The following EYS variants were observed in gnomAD, a reference collection of about 807,000 sequenced individuals.
EYS encodes protein eyes shut homolog.
Under a neutral mutation model 282.1 loss-of-function variants are expected in EYS, and 250 were observed. That is an observed-to-expected ratio of 0.89 (90% confidence interval 0.80 to 0.98). The LOEUF is 0.98. Ranked by LOEUF, EYS falls within the 50% of genes least tolerant of loss-of-function variation. The pLI is 0.00. For missense variants in EYS, 4,016 were observed against 3,709.0 expected (o/e 1.08, Z -2.15); for synonymous variants, 1,355 against 1,282.9 (o/e 1.06, Z -1.20).
intron 13 of EYS, among the ~76,000 whole-genome samples, chr6:65,053,210 G>A (rs1025903248): frequency 1.7e-4 from 26 of 151,736 alleles, no homozygotes; most frequent in African/African-American, 4.8e-4. Flanking sequence ...GTAATAAAAC[G>A]TAACTTCTAT....
chr6:64,779,574 A>G (rs1410300069), intron 22 of EYS, among the ~76,000 whole-genome samples: 1 of 152,072 alleles, frequency 6.6e-6, no homozygotes, highest in Non-Finnish European at 1.5e-5. Flanking sequence ...ACATGCCATT[A>G]TACATTAGTT....
Position 65,437,299 on chromosome 6 carries a change from T to C in EYS, c.863-31932A>G, listed in dbSNP as rs139827150. Among the ~76,000 whole-genome samples the C allele has an allele frequency of 4.9e-3, 738 of 149,768 alleles. 4 individuals carry two copies. The highest frequency in any genetic ancestry group is 0.01 in the Middle Eastern group (3 of 292). On this transcript the variant is annotated intron_variant, in intron 5 of 42. Coordinates refer to ENST00000503581, the MANE Select transcript of EYS (RefSeq NM_001142800.2). ...ACAGGATTAAAGAGAGAAAAACATA[T>C]ATTAGTGTTTTTTAATGGTAACATG...
At chr6:64,509,657 A>AT (rs1332305985) in intron 26 of EYS, among the ~76,000 whole-genome samples, 2 of 152,044 alleles carry the variant, frequency 1.3e-5, no homozygotes, top group Non-Finnish European at 2.9e-5. Context: ...GTGAAAGAGT[A>AT]TTTTTCTATT....
chr6:63,913,846 G>GT (rs945586607), intron 35 of EYS, among the ~76,000 whole-genome samples: 17 of 151,964 alleles, frequency 1.1e-4, no homozygotes, highest in African/African-American at 3.6e-4. Flanking sequence ...CAGATAATGT[G>GT]TTTTTTTTGA....
At chr6:64,453,515 C>G (rs1254800893) in intron 26 of EYS, among the ~76,000 whole-genome samples, 1 of 152,084 alleles carries the variant, frequency 6.6e-6, no homozygotes, top group Admixed American at 6.6e-5. Flanking sequence ...GGGTATCTAC[C>G]CAAAGGATTA....
intron 10 of EYS, among the ~76,000 whole-genome samples, chr6:65,338,482 A>G (rs1171210920): frequency 4.6e-5 from 7 of 151,176 alleles, no homozygotes; most frequent in African/African-American, 1.7e-4. Flanking sequence ...TCAAAACATT[A>G]CATCAAACAT....
At chr6:64,009,646 C>T (rs935035195) in intron 33 of EYS, among the ~76,000 whole-genome samples, 3 of 152,030 alleles carry the variant, frequency 2.0e-5, no homozygotes, top group African/African-American at 7.2e-5. Flanking sequence ...TTATTGTACT[C>T]CTTAGATTCT....
chr6:64,417,671 C>CTTT (rs11414644), intron 28 of EYS, among the ~76,000 whole-genome samples: 71 of 123,974 alleles, frequency 5.7e-4, no homozygotes, highest in Non-Finnish European at 7.6e-4. Context: ...TAAGGGTTGG[C>CTTT]TTTTTTTTTT....
intron 41 of EYS, among the ~76,000 whole-genome samples, chr6:63,753,142 A>ATATATATATATATATATATATATATG (rs1562009753): frequency 4.5e-3 from 37 of 8,144 alleles, no homozygotes; most frequent in African/African-American, 0.012. Flanking sequence ...GTGTGTGTGT[A>ATATATATATATATATATATATATATG]TATATATATA....
intron 5 of EYS, among the ~76,000 whole-genome samples, chr6:65,418,074 T>A (rs1767310575): frequency 6.6e-6 from 1 of 151,938 alleles, no homozygotes; most frequent in Non-Finnish European, 1.5e-5. Context: ...CAAAACAGAC[T>A]GTGAGGTATA....
chr6:64,578,483 C>A (rs934774785), intron 26 of EYS, among the ~76,000 whole-genome samples: 1 of 152,034 alleles, frequency 6.6e-6, no homozygotes, highest in Non-Finnish European at 1.5e-5. Context: ...AGAGATCAAT[C>A]CTGATGGTAG....
At chr6:64,023,621 G>A (rs1769307029) in intron 33 of EYS, among the ~76,000 whole-genome samples, 1 of 152,234 alleles carries the variant, frequency 6.6e-6, no homozygotes, top group South Asian at 2.1e-4. Flanking sequence ...AGAGGCAACA[G>A]TGTGCGCCCT....
At chr6:65,308,012 A>T (rs1056274430) in intron 11 of EYS, among the ~76,000 whole-genome samples, 14 of 148,228 alleles carry the variant, frequency 9.4e-5, no homozygotes, top group African/African-American at 3.5e-4. Context: ...TCTCACTGTC[A>T]TCCAGGCTGG....
At chr6:63,997,222 A>G (rs1201738770) in intron 34 of EYS, among the ~76,000 whole-genome samples, 3 of 152,180 alleles carry the variant, frequency 2.0e-5, no homozygotes, top group Admixed American at 2.0e-4. Context: ...GCAGTAGAAA[A>G]CATGCAGTAG....
intron 1 of EYS, among the ~76,000 whole-genome samples, chr6:65,696,454 T>C (rs1769460476): frequency 6.6e-6 from 1 of 152,156 alleles, no homozygotes; most frequent in Admixed American, 6.5e-5. Flanking sequence ...GAGTAAACTA[T>C]TTGTACATTT....
intron 23 of EYS, among the ~76,000 whole-genome samples, chr6:64,620,116 G>C (rs1310710554): frequency 6.6e-6 from 1 of 152,148 alleles, no homozygotes; most frequent in African/African-American, 2.4e-5. Context: ...AATGGAATTA[G>C]ATGCTTACAA....
chr6:64,869,419 C>T (rs1224642087), intron 19 of EYS, among the ~76,000 whole-genome samples: 3 of 151,066 alleles, frequency 2.0e-5, no homozygotes, highest in African/African-American at 7.3e-5. Flanking sequence ...GAAGAACTAA[C>T]AATCAAAATA....
intron 12 of EYS, among the ~76,000 whole-genome samples, chr6:65,182,521 A>C (rs1357487983): frequency 1.3e-5 from 2 of 151,756 alleles, no homozygotes; most frequent in Non-Finnish European, 2.9e-5. Flanking sequence ...CACTGCATTT[A>C]GTGCATTTTC....
chr6:65,500,241 G>A (rs549462516), intron 2 of EYS, among the ~76,000 whole-genome samples: 1 of 151,932 alleles, frequency 6.6e-6, no homozygotes, highest in African/African-American at 2.4e-5. Flanking sequence ...TTGCCAATAA[G>A]GCATAGGATT....
Sources: allele counts gnomAD v4.1 joint callset (sites outside exome capture counted in the v4.1 genomes callset), GRCh38; gene constraint gnomAD v4.1.1; transcripts MANE v1.5; gene names NCBI Gene and HGNC (gene_info 2026-07-23, HGNC 2026-07-21).